GSE1: variants seen among roughly 807,000 people sequenced by gnomAD.
GSE1 encodes the protein genetic suppressor element 1.
GSE1 carries 32 observed loss-of-function variants against 112.6 expected under a neutral mutation model. The observed-to-expected ratio is 0.28, with a 90% CI of 0.21 to 0.38. GSE1 has a LOEUF of 0.38. Among genes scored for constraint, GSE1 ranks in the 10% least tolerant of loss-of-function variants. The pLI is 1.00. For missense variants in GSE1, 2,348 were observed against 1,699.2 expected (o/e 1.38, Z -6.71); for synonymous variants, 1,115 against 735.6 (o/e 1.52, Z -8.35).
At chr16:85,295,458 C>T (rs1467610742) in intron 1 of GSE1, among the ~76,000 whole-genome samples, 1 of 152,256 alleles carries the variant, frequency 6.6e-6, no homozygotes, top group Non-Finnish European at 1.5e-5. Context: ...CCTTTTTGCC[C>T]ATCCACCGCC....
chr16:85,181,127 G>T (rs559037232), intron 1 of GSE1, among the ~76,000 whole-genome samples: 1 of 152,326 alleles, frequency 6.6e-6, no homozygotes, highest in South Asian at 2.1e-4. Context: ...CTGCCCACAG[G>T]GTCCGCTGGC....
chr16:85,589,678 A>G (rs993670500), intron 1 of GSE1, among the ~76,000 whole-genome samples: 2 of 152,164 alleles, frequency 1.3e-5, no homozygotes, highest in African/African-American at 4.8e-5. Flanking sequence ...ATGGCGGTGT[A>G]TGGAATGTGA....
intron 2 of GSE1, among the ~76,000 whole-genome samples, chr16:85,408,159 G>C (rs1414104711): frequency 3.0e-5 from 1 of 33,586 alleles, no homozygotes; most frequent in Non-Finnish European, 5.8e-5. Flanking sequence ...TACACTCAGG[G>C]CCCCCCGGAT....
intron 1 of GSE1, among the ~76,000 whole-genome samples, chr16:85,265,219 G>A (rs949964810): frequency 4.6e-5 from 7 of 152,190 alleles, no homozygotes; most frequent in Admixed American, 3.3e-4. Flanking sequence ...AAGGCCTGGA[G>A]TGTGGACAGG....
intron 1 of GSE1, among the ~76,000 whole-genome samples, chr16:85,286,695 T>A (rs370326454): frequency 4.6e-5 from 7 of 151,314 alleles, no homozygotes; most frequent in African/African-American, 1.2e-4. Flanking sequence ...AGCTTCAGAC[T>A]GGGTTGGGAT....
intron 1 of GSE1, among the ~76,000 whole-genome samples, chr16:85,568,041 A>G (rs975987376): frequency 2.0e-5 from 3 of 152,032 alleles, no homozygotes; most frequent in African/African-American, 4.8e-5. Flanking sequence ...CCACCTCTTA[A>G]TGGGGGAATG....
chr16:85,425,800 G>A (rs1484682868), intron 2 of GSE1, among the ~76,000 whole-genome samples: 1 of 152,168 alleles, frequency 6.6e-6, no homozygotes, highest in African/African-American at 2.4e-5. Flanking sequence ...TTTTACTTTG[G>A]TTAAAAATCC....
chr16:85,502,320 C>T (rs921727583), intron 2 of GSE1, among the ~76,000 whole-genome samples: 1 of 151,966 alleles, frequency 6.6e-6, no homozygotes, highest in Non-Finnish European at 1.5e-5. Context: ...CTGTGGGTAG[C>T]GCCGTGGGTA....
chr16:85,216,840 G>A (rs1370338624), intron 1 of GSE1, among the ~76,000 whole-genome samples: 2 of 152,238 alleles, frequency 1.3e-5, no homozygotes, highest in Non-Finnish European at 2.9e-5. Context: ...ACCCACTCCT[G>A]TCTCTTGCCG....
intron 1 of GSE1, among the ~76,000 whole-genome samples, chr16:85,210,841 A>G (rs1332658111): frequency 1.3e-5 from 2 of 152,192 alleles, no homozygotes; most frequent in African/African-American, 4.8e-5. Flanking sequence ...TGAGCTTGTC[A>G]TCTCTGGCAG....
chr16:85,566,534 T>A (rs1309350854), intron 1 of GSE1, among the ~76,000 whole-genome samples: 1 of 152,156 alleles, frequency 6.6e-6, no homozygotes, highest in Non-Finnish European at 1.5e-5. Context: ...GCGGAGAATT[T>A]CTTTGTTATA....
chr16:85,174,981 G>C (rs558353908), intron 1 of GSE1, among the ~76,000 whole-genome samples: 1 of 152,306 alleles, frequency 6.6e-6, no homozygotes, highest in South Asian at 2.1e-4. Flanking sequence ...GTTAGCTGCG[G>C]GGAAGCCACT....
chr16:85,223,028 G>T (rs532160548), intron 1 of GSE1, among the ~76,000 whole-genome samples: 12 of 152,128 alleles, frequency 7.9e-5, no homozygotes, highest in Non-Finnish European at 1.5e-4. Context: ...CTCTAGTTTT[G>T]TTTTTTTCTG....
intron 1 of GSE1, among the ~76,000 whole-genome samples, chr16:85,586,418 G>GC (rs1487841960): frequency 6.6e-6 from 1 of 152,090 alleles, no homozygotes; most frequent in Non-Finnish European, 1.5e-5. Context: ...CTCTCCTCCA[G>GC]CCCCATCTCT....
exon 16 of GSE1, chr16:85,676,197 ATTATG>A (rs1473423553): frequency 6.5e-6 from 1 of 152,690 alleles, no homozygotes; most frequent in Non-Finnish European, 1.5e-5. Flanking sequence ...ATCTTCCTAA[ATTATG>A]TTAAGAGGAA....
chr16:85,337,337 G>T (rs1247673131), intron 1 of GSE1, among the ~76,000 whole-genome samples: 2 of 139,162 alleles, frequency 1.4e-5, no homozygotes, highest in Non-Finnish European at 3.0e-5. Flanking sequence ...ACGGAGTCTC[G>T]CTCTGTCGCC....
chr16:85,572,103 C>T (rs1291297168), intron 1 of GSE1, among the ~76,000 whole-genome samples: 5 of 151,066 alleles, frequency 3.3e-5, no homozygotes, highest in Non-Finnish European at 7.4e-5. Flanking sequence ...ATACCACACA[C>T]ACACCACACA....
At chr16:85,665,762 T>A (rs1294793864) in intron 12 of GSE1, among the ~76,000 whole-genome samples, 3 of 152,212 alleles carry the variant, frequency 2.0e-5, no homozygotes, top group Non-Finnish European at 4.4e-5. Flanking sequence ...TCTTCCTTCT[T>A]GGGACATCTT....
At chr16:85,197,588 G>A (rs1044287276) in intron 1 of GSE1, among the ~76,000 whole-genome samples, 21 of 152,144 alleles carry the variant, frequency 1.4e-4, no homozygotes, top group South Asian at 2.1e-4. Context: ...TGTTTCCTGC[G>A]TCGCCGGCAG....
Sources: gnomAD v4.1 joint callset for allele counts (sites outside exome capture counted in the v4.1 genomes callset) on GRCh38, gnomAD v4.1.1 for gene constraint, MANE v1.5 for transcripts, NCBI Gene and HGNC (gene_info 2026-07-23, HGNC 2026-07-21) for gene names.